Variants in MARCHF6 observed in about 807,000 individuals in gnomAD.
MARCHF6 encodes the protein E3 ubiquitin-protein ligase MARCHF6.
Under a neutral mutation model 133.7 loss-of-function variants are expected in MARCHF6, and 31 were observed. The ratio of observed to expected loss-of-function variants is 0.23; its 90% CI spans 0.17 to 0.31. The LOEUF (loss-of-function observed/expected upper bound fraction) is 0.31, where lower values mean the gene tolerates loss of function less well. MARCHF6 is among the 10% of genes least tolerant of loss of function. MARCHF6 has a pLI of 1.00. For missense variants in MARCHF6, 723 were observed against 1,121.6 expected (o/e 0.64, Z 5.08); for synonymous variants, 395 against 402.5 (o/e 0.98, Z 0.22).
intron 25 of MARCHF6, among the ~76,000 whole-genome samples, chr5:10,430,780 G>A (rs1214082925): frequency 6.6e-6 from 1 of 152,334 alleles, no homozygotes; most frequent in Non-Finnish European, 1.5e-5. Context: ...AGGTTGCACA[G>A]AGAGGCTTGA....
intron 6 of MARCHF6, 121 bp downstream of exon 6, chr5:10,390,621 G>T: frequency 1.0e-6 from 1 of 971,894 alleles, no homozygotes. Context: ...TATTACAAAG[G>T]AGGGCAGCGG....
At chr5:10,379,443 T>C (rs1736992339) in intron 3 of MARCHF6, among the ~76,000 whole-genome samples, 1 of 141,880 alleles carries the variant, frequency 7.0e-6, no homozygotes, top group African/African-American at 2.6e-5. Context: ...GTTAGAATAA[T>C]AGTCATAAAG....
intron 7 of MARCHF6, among the ~76,000 whole-genome samples, chr5:10,392,565 C>T (rs1343720560): frequency 2.0e-5 from 3 of 152,064 alleles, no homozygotes; most frequent in Non-Finnish European, 4.4e-5. Context: ...ACCAGCTTGG[C>T]CAACATGGTG....
At chr5:10,378,885 T>G in intron 3 of MARCHF6, 53 bp downstream of exon 3, 1 of 1,206,010 alleles carries the variant, frequency 8.3e-7, no homozygotes, top group Non-Finnish European at 1.2e-6. Context: ...ACTCGTGGCA[T>G]AAAGGTGTTT....
intron 22 of MARCHF6, among the ~76,000 whole-genome samples, chr5:10,418,934 C>G (rs983134461): frequency 6.6e-6 from 1 of 152,028 alleles, no homozygotes; most frequent in African/African-American, 2.4e-5. Context: ...GTATGGTGTT[C>G]CATAAGAGAT....
chr5:10,438,645 T>G lies in MARCHF6; in HGVS notation c.*4961T>G, dbSNP rs1287601. 25,317 of 152,236 alleles carry G rather than the reference T, an allele frequency of 0.17. 3,318 individuals carry two copies. Among genetic ancestry groups the G allele is most frequent in the East Asian group, 0.67 (3,488 of 5,168 alleles). The allele number at this position is 152,236 out of a possible 1,614,324, so 9.4% of individuals were successfully genotyped here. ...TTTTTATTTTGGTGTCTGTTTTGTT[T>G]CTAGCACTGTATTTAGTACTGTAGT... is the stretch of plus-strand genomic sequence containing the variant. On this transcript the variant is annotated 3_prime_UTR_variant, in exon 26 of 26. Coordinates refer to ENST00000274140, the MANE Select transcript of MARCHF6 (RefSeq NM_005885.4).
chr5:10,365,295 T>TTAG (rs1736074638), intron 1 of MARCHF6, among the ~76,000 whole-genome samples: 1 of 151,710 alleles, frequency 6.6e-6, no homozygotes, highest in South Asian at 2.1e-4. Context: ...AGAATTGGAA[T>TTAG]TATTATTATT....
chr5:10,433,649 T>G lies in MARCHF6; in HGVS notation c.2698T>G (p.Ser900Ala). The G allele has an allele frequency of 6.2e-7, 1 of 1,614,210 alleles. No individual in the cohort carries two copies. The highest frequency in any genetic ancestry group is 8.5e-7 in the Non-Finnish European group (1 of 1,180,034). ...NYERKSGKQG[S>A]SPPPPQSSQE ...CGAACGGAAATCTGGCAAACAAGGC[T>G]CATCTCCACCACCTCCACAGTCATC... Residue 900 changes from serine (S) to alanine (A), a missense_variant, in exon 26 of 26, where the codon TCA becomes GCA. Ser to Ala is a moderately conservative substitution (Grantham distance 99). This residue lies in a region of MARCHF6 where 492 missense variants were observed against 699.5 expected (regional missense o/e 0.70). Coordinates refer to ENST00000274140, the MANE Select transcript of MARCHF6 (RefSeq NM_005885.4).
intron 15 of MARCHF6, among the ~76,000 whole-genome samples, chr5:10,404,039 ATTT>A (rs1173523508): frequency 2.6e-5 from 1 of 38,652 alleles, no homozygotes; most frequent in Non-Finnish European, 1.0e-4. Context: ...ACCTTTATTT[ATTT>A]ATTTATTTAT....
At chr5:10,363,065 G>GAAAA (rs1408107168) in intron 1 of MARCHF6, among the ~76,000 whole-genome samples, 3 of 152,108 alleles carry the variant, frequency 2.0e-5, no homozygotes, top group African/African-American at 7.2e-5. Context: ...AGACCTCAAT[G>GAAAA]AAAAACCTAA....
At chr5:10,378,959 CA>C in intron 3 of MARCHF6, 127 bp downstream of exon 3, 2 of 531,976 alleles carry the variant, frequency 3.8e-6, no homozygotes, top group Non-Finnish European at 6.6e-6. Context: ...CAATTATTTT[CA>C]GCTTGATTTT....
chr5:10,405,498 C>G (rs1238630121), intron 15 of MARCHF6, 60 bp from the exon 16 acceptor site: 2 of 1,386,002 alleles, frequency 1.4e-6, no homozygotes, highest in Non-Finnish European at 2.0e-6. Flanking sequence ...AATGTTTTAG[C>G]TCATATATAG....
At chr5:10,425,395 A>G (rs893323727) in intron 23 of MARCHF6, among the ~76,000 whole-genome samples, 4 of 152,214 alleles carry the variant, frequency 2.6e-5, no homozygotes, top group Non-Finnish European at 5.9e-5. Context: ...GGATTTATTC[A>G]TACTGGAGGC....
At chr5:10,365,148 TC>T (rs1736064789) in intron 1 of MARCHF6, among the ~76,000 whole-genome samples, 6 of 151,972 alleles carry the variant, frequency 3.9e-5, no homozygotes, top group African/African-American at 1.5e-4. Flanking sequence ...ATTGACAGAC[TC>T]TAACTTAAGC....
intron 24 of MARCHF6, 36 bp from the exon 25 acceptor site, chr5:10,429,857 A>T: frequency 6.3e-7 from 1 of 1,586,398 alleles, no homozygotes; most frequent in Non-Finnish European, 8.6e-7. Context: ...CTGTTATTTC[A>T]CATACACTGA....
chr5:10,394,046 C>G, intron 7 of MARCHF6, 36 bp from the exon 8 acceptor site: 1 of 1,242,410 alleles, frequency 8.0e-7, no homozygotes, highest in Non-Finnish European at 1.1e-6. Context: ...ATTATTTTTA[C>G]TTCAAGTAAT....
chr5:10,407,067 CTT>C, intron 16 of MARCHF6, 33 bp from the exon 17 acceptor site: 1 of 1,202,420 alleles, frequency 8.3e-7, no homozygotes, highest in Non-Finnish European at 1.2e-6. Flanking sequence ...GTGATTGACT[CTT>C]ATAGTGGTGT....
At chr5:10,369,614 C>CCCG (rs1554019317) in intron 1 of MARCHF6, among the ~76,000 whole-genome samples, 10 of 8,412 alleles carry the variant, frequency 1.2e-3, no homozygotes, top group African/African-American at 2.3e-3. Flanking sequence ...CCCCCCCCCC[C>CCCG]CCTTGCAAAT....
intron 22 of MARCHF6, 52 bp downstream of exon 22, chr5:10,417,456 AAAT>A (rs765223407): frequency 3.2e-5 from 52 of 1,607,316 alleles, no homozygotes; most frequent in Non-Finnish European, 4.3e-5. Context: ...TGAGATCAGA[AAAT>A]AATCCTAGCC....
Sources: gnomAD v4.1 joint callset for allele counts (sites outside exome capture counted in the v4.1 genomes callset) on GRCh38, gnomAD v4.1.1 for gene constraint, gnomAD v4.1.1 regional missense constraint, MANE v1.5 for transcripts, NCBI Gene and HGNC (gene_info 2026-07-23, HGNC 2026-07-21) for gene names.